Variants in EPS15 observed in about 807,000 individuals in gnomAD.
The protein encoded by EPS15 is epidermal growth factor receptor pathway substrate 15, also known as epidermal growth factor receptor substrate 15.
Under a neutral mutation model 113.8 loss-of-function variants are expected in EPS15, and 72 were observed. The observed-to-expected ratio is 0.63, with a 90% CI of 0.52 to 0.77. EPS15 has a LOEUF of 0.77. EPS15 is among the 30% of genes least tolerant of loss of function. EPS15 has a pLI of 0.00. For missense variants in EPS15, 1,048 were observed against 1,045.8 expected (o/e 1.00, Z -0.03); for synonymous variants, 344 against 363.4 (o/e 0.95, Z 0.61).
chr1:51,505,283 T>C (rs915909653), intron 1 of EPS15, among the ~76,000 whole-genome samples: 1 of 152,194 alleles, frequency 6.6e-6, no homozygotes, highest in Admixed American at 6.5e-5. Flanking sequence ...ACCACCCAAA[T>C]ATCCACCAAT....
At chr1:51,415,955 A>T (rs1159017428) in intron 13 of EPS15, among the ~76,000 whole-genome samples, 2 of 152,120 alleles carry the variant, frequency 1.3e-5, no homozygotes, top group Non-Finnish European at 2.9e-5. Flanking sequence ...TTTCACTGGA[A>T]AATTATTTGT....
chr1:51,448,535 C>G (rs1018727520), intron 8 of EPS15, among the ~76,000 whole-genome samples: 2 of 152,066 alleles, frequency 1.3e-5, no homozygotes, highest in Admixed American at 6.5e-5. Context: ...ATTTTACAGA[C>G]AAGCAAATCC....
At chr1:51,481,677 C>G (rs1644022798) in intron 1 of EPS15, among the ~76,000 whole-genome samples, 2 of 152,134 alleles carry the variant, frequency 1.3e-5, no homozygotes, top group Admixed American at 1.3e-4. Flanking sequence ...CATCCTCTAC[C>G]CAAGTACCCA....
At chr1:51,363,801 G>T in intron 23 of EPS15, 65 bp downstream of exon 23, 1 of 1,474,512 alleles carries the variant, frequency 6.8e-7, no homozygotes, top group Non-Finnish European at 9.2e-7. Flanking sequence ...AGTAAGTTCC[G>T]CACAATACTT....
chr1:51,356,183 A>G lies in EPS15; in HGVS notation c.*517T>C, dbSNP rs1336284263. 9.5e-6 allele frequency: 2 copies of G among 211,598 alleles called. No homozygotes were observed. Among genetic ancestry groups the G allele is most frequent in the African/African-American group, 2.3e-5 (1 of 44,144 alleles). The allele number at this position is 211,598 out of a possible 1,614,324, so 13.1% of individuals were successfully genotyped here. A position where few individuals can be genotyped will look rare whatever the true frequency, so the allele number is the denominator to read the frequency against. ...AAATATTTTTCCTTATCTCTGAAAA[A>G]CAAATTAAGTAGAGGAAATTTAAAA... On this transcript the variant is annotated 3_prime_UTR_variant, in exon 25 of 25. Transcript: ENST00000371733.
intron 21 of EPS15, chr1:51,372,726 C>A: frequency 2.4e-6 from 1 of 411,012 alleles, no homozygotes; most frequent in East Asian, 5.8e-5. Context: ...AACATTTGAG[C>A]ATGTGGCTAA....
intron 21 of EPS15, among the ~76,000 whole-genome samples, chr1:51,393,224 C>T (rs529039230): frequency 9.9e-5 from 15 of 151,492 alleles, no homozygotes; most frequent in Non-Finnish European, 1.5e-4. Flanking sequence ...TTAGAGCCAG[C>T]CTTTTTTTTG....
At chr1:51,423,772 G>A (rs535706342) in intron 12 of EPS15, 1 of 973,286 alleles carries the variant, frequency 1.0e-6, no homozygotes, top group East Asian at 1.1e-4. Context: ...AAGTAGCCAA[G>A]GCAGAAAGAT....
intron 12 of EPS15, among the ~76,000 whole-genome samples, chr1:51,426,876 CAT>C (rs1651268490): frequency 6.6e-6 from 1 of 150,762 alleles, no homozygotes; most frequent in African/African-American, 2.4e-5. Context: ...TATATATACA[CAT>C]ATATACACAC....
At chr1:51,490,351 G>T (rs780821843) in intron 1 of EPS15, 2 of 431,096 alleles carry the variant, frequency 4.6e-6, no homozygotes, top group African/African-American at 4.1e-5. Context: ...AAATCACGAG[G>T]TCAGGAGTTC....
chr1:51,389,937 A>G (rs1338189266), intron 21 of EPS15, among the ~76,000 whole-genome samples: 2 of 152,218 alleles, frequency 1.3e-5, no homozygotes, highest in Non-Finnish European at 2.9e-5. Flanking sequence ...GCTACCAATG[A>G]CTTTCTTCAC....
At chr1:51,479,694 T>C (rs2148521054) in intron 2 of EPS15, among the ~76,000 whole-genome samples, 2 of 152,360 alleles carry the variant, frequency 1.3e-5, no homozygotes, top group South Asian at 4.1e-4. Flanking sequence ...TAGCAATTTG[T>C]TTTTCTTCTT....
intron 5 of EPS15, among the ~76,000 whole-genome samples, chr1:51,466,085 T>A (rs1342298212): frequency 6.9e-6 from 1 of 145,918 alleles, no homozygotes; most frequent in Non-Finnish European, 1.5e-5. Flanking sequence ...GCATACTAGA[T>A]TTAAAAAACA....
At chr1:51,440,277 C>G (rs1570310500) in intron 12 of EPS15, 70 bp downstream of exon 12, 1 of 443,958 alleles carries the variant, frequency 2.3e-6, no homozygotes, top group South Asian at 4.3e-5. Context: ...TATACATGTA[C>G]TGTGTGTGTG....
chr1:51,464,133 A>G (rs1377171345), intron 6 of EPS15, among the ~76,000 whole-genome samples: 3 of 152,204 alleles, frequency 2.0e-5, no homozygotes, highest in Non-Finnish European at 4.4e-5. Context: ...CAACCCTCTC[A>G]CTTAAATAGA....
chr1:51,417,551 T>C (rs1014489233), intron 13 of EPS15, among the ~76,000 whole-genome samples: 3 of 152,220 alleles, frequency 2.0e-5, no homozygotes, highest in Non-Finnish European at 2.9e-5. Flanking sequence ...TTGGAAGCTA[T>C]ACACATCACA....
chr1:51,424,531 GA>G (rs1359273972), intron 12 of EPS15, among the ~76,000 whole-genome samples: 7 of 152,120 alleles, frequency 4.6e-5, no homozygotes, highest in Non-Finnish European at 1.5e-5. Context: ...GCCACAATAA[GA>G]AGTAATATTT....
At chr1:51,481,198 T>C (rs1436282825) in intron 2 of EPS15, 75 bp downstream of exon 2, 3 of 791,614 alleles carry the variant, frequency 3.8e-6, no homozygotes, top group Non-Finnish European at 6.7e-6. Context: ...TAGCTGGTAA[T>C]CTACAGGCAT....
chr1:51,386,546 C>G (rs954616566), intron 21 of EPS15, among the ~76,000 whole-genome samples: 21 of 152,182 alleles, frequency 1.4e-4, no homozygotes, highest in African/African-American at 4.3e-4. Flanking sequence ...CAAACTCCAA[C>G]AGACCTGCAG....
Sources: allele counts gnomAD v4.1 joint callset (sites outside exome capture counted in the v4.1 genomes callset), GRCh38; gene constraint gnomAD v4.1.1; transcripts MANE v1.5; gene names NCBI Gene and HGNC (gene_info 2026-07-23, HGNC 2026-07-21).